The following SACS variants were observed in gnomAD, a reference collection of about 807,000 sequenced individuals.
SACS encodes the protein sacsin molecular chaperone.
Under a neutral mutation model 348.0 loss-of-function variants are expected in SACS, and 197 were observed. The ratio of observed to expected loss-of-function variants is 0.57; its 90% CI spans 0.50 to 0.64. The LOEUF (loss-of-function observed/expected upper bound fraction) is 0.64, where lower values mean the gene tolerates loss of function less well. SACS is among the 30% of genes least tolerant of loss of function. The pLI, the probability that SACS is intolerant of heterozygous loss-of-function variation, is 0.00. For missense variants in SACS, 4,999 were observed against 5,360.8 expected, an observed-to-expected ratio of 0.93 and a Z score of 2.11; for synonymous variants, 1,985 against 1,910.6, an observed-to-expected ratio of 1.04 and a Z score of -1.02.
chr13:23,409,257 G>A (rs557444185), intron 2 of SACS, among the ~76,000 whole-genome samples: 4 of 149,250 alleles, frequency 2.7e-5, no homozygotes, highest in African/African-American at 7.4e-5. Context: ...AGGTTTCACT[G>A]TGTTAGCCAG....
chr13:23,338,377 G>A lies in SACS; in HGVS notation c.5499C>T (p.Ser1833=). The change falls in exon 10 of 10, where the codon TCC becomes TCT. Residue 1833 remains serine (S), a synonymous_variant. Coordinates refer to ENST00000382292, the MANE Select transcript of SACS (RefSeq NM_014363.6). The part of the protein sequence containing the change: ...CMDTGEALKF[S]LSESGRRLGL... ...CTAGTCTTCTTCCACTCTCACTCAG[G>A]GAAAACTTCAGAGCCTCTCCTGTGT... The A allele has an allele frequency of 1.2e-6, 2 of 1,614,006 alleles. No individual in the cohort carries two copies. Among genetic ancestry groups the A allele is most frequent in the Non-Finnish European group, 1.7e-6 (2 of 1,179,976 alleles).
chr13:23,361,804 A>G (rs1324207709), intron 6 of SACS, among the ~76,000 whole-genome samples: 1 of 152,072 alleles, frequency 6.6e-6, no homozygotes, highest in Non-Finnish European at 1.5e-5. Context: ...AAAAAAAGGA[A>G]TAAACATCCT....
intron 7 of SACS, 70 bp from the exon 8 acceptor site, chr13:23,356,077 AAT>A: frequency 7.8e-7 from 1 of 1,286,128 alleles, no homozygotes; most frequent in South Asian, 1.3e-5. Context: ...AATTATAATA[AAT>A]ATATGAAAAA....
chr13:23,338,960 T>C lies in SACS; in HGVS notation c.4916A>G (p.Tyr1639Cys), dbSNP rs1566068293. ...LPLTVEAPYS[Y>C]NGTLFRLSFR... ...GGACAGTCGGAAAAGGGTTCCATTA[T>C]AGCTGTAAGGTGCTTCTACAGTCAA... is the stretch of plus-strand genomic sequence containing the variant. Residue 1639 changes from tyrosine to cysteine, a missense_variant, in exon 10 of 10, where the codon TAT (tyrosine) becomes TGT (cysteine). By Grantham distance (194) the Tyr-to-Cys change is radical. Around this residue, in one of 6 missense-constraint regions of SACS, gnomAD observed 3,156 missense variants for 3,380.1 expected, o/e 0.93. Coordinates refer to ENST00000382292, the MANE Select transcript of SACS (RefSeq NM_014363.6). 8 of 1,613,876 alleles carry C rather than the reference T, an allele frequency of 5.0e-6. No homozygotes were observed. Among genetic ancestry groups the C allele is most frequent in the East Asian group, 2.2e-5 (1 of 44,886 alleles).
Position 23,401,908 on chromosome 13 carries a change from C to T in SACS, c.20+9312G>A, listed in dbSNP as rs192866165. Among the ~76,000 whole-genome samples the T allele has an allele frequency of 3.1e-3, 471 of 152,306 alleles. 11 individuals are homozygous for T. Among genetic ancestry groups the T allele is most frequent in the Admixed American group, 0.028 (425 of 15,298 alleles). On this transcript the variant is annotated intron_variant, in intron 2 of 9. Transcript: ENST00000382292. ...ACTAAGAGTTTCCAGAGGCCAGGCG[C>T]AGTGGCTCACGCCTCTAATCCAGCA...
intron 3 of SACS, among the ~76,000 whole-genome samples, chr13:23,373,669 A>T (rs1387310031): frequency 6.6e-6 from 1 of 152,068 alleles, no homozygotes; most frequent in Non-Finnish European, 1.5e-5. Flanking sequence ...GCGTGGTGGC[A>T]CACGCCTGTA....
intron 9 of SACS, among the ~76,000 whole-genome samples, chr13:23,352,028 A>C (rs1869990032): frequency 6.6e-6 from 1 of 152,202 alleles, no homozygotes; most frequent in Non-Finnish European, 1.5e-5. Context: ...GGTTTGCCCC[A>C]TCCACCCAGG....
At chr13:23,366,001 C>T (rs572973967) in intron 5 of SACS, among the ~76,000 whole-genome samples, 1 of 152,266 alleles carries the variant, frequency 6.6e-6, no homozygotes, top group East Asian at 1.9e-4. Context: ...CACTTCTGCA[C>T]ACCTACTAAA....
intron 2 of SACS, among the ~76,000 whole-genome samples, chr13:23,407,763 T>C (rs1873296576): frequency 6.6e-6 from 1 of 152,228 alleles, no homozygotes; most frequent in Admixed American, 6.5e-5. Flanking sequence ...CTTCGGGTCC[T>C]GCCTTTGACC....
intron 2 of SACS, among the ~76,000 whole-genome samples, chr13:23,386,338 A>G (rs1872290587): frequency 1.3e-5 from 2 of 152,256 alleles, no homozygotes; most frequent in South Asian, 4.1e-4. Context: ...AAGTTTCCCC[A>G]TCAGCACATG....
chr13:23,353,101 T>A (rs1870075967), intron 9 of SACS, among the ~76,000 whole-genome samples: 1 of 152,172 alleles, frequency 6.6e-6, no homozygotes. Context: ...AAAGGATGCT[T>A]GCAGAAGTTG....
intron 9 of SACS, among the ~76,000 whole-genome samples, chr13:23,341,933 C>T (rs563073390): frequency 7.0e-4 from 107 of 151,956 alleles, no homozygotes; most frequent in African/African-American, 2.5e-3. Context: ...ACTACAAGGG[C>T]CCGCCACCAC....
At chr13:23,366,209 C>T (rs9580604) in intron 5 of SACS, among the ~76,000 whole-genome samples, 140 of 152,314 alleles carry the variant, frequency 9.2e-4, no homozygotes, top group African/African-American at 3.1e-3. Flanking sequence ...GTGATGCCTA[C>T]ATCAGAGTAG....
At chr13:23,418,442 T>C (rs996610319) in intron 1 of SACS, among the ~76,000 whole-genome samples, 1 of 152,190 alleles carries the variant, frequency 6.6e-6, no homozygotes, top group African/African-American at 2.4e-5. Context: ...GACATATATG[T>C]TTGTTTCCCT....
intron 9 of SACS, among the ~76,000 whole-genome samples, chr13:23,348,152 C>G (rs1869731774): frequency 6.6e-6 from 1 of 152,108 alleles, no homozygotes; most frequent in African/African-American, 2.4e-5. Flanking sequence ...ACTTAAGCAA[C>G]TTAATACAGA....
Position 23,355,484 on chromosome 13 carries a change from A to C in SACS, c.1128T>G (p.Asn376Lys). 1 of 1,614,040 alleles carries C rather than the reference A, an allele frequency of 6.2e-7. No individual in the cohort carries two copies. Among genetic ancestry groups the C allele is most frequent in the East Asian group, 2.2e-5 (1 of 44,886 alleles). The change falls in exon 8 of 10, where the codon AAT becomes AAG. Residue 376 changes from asparagine to lysine, a missense_variant. Physicochemically the swap from Asn to Lys is moderately conservative, Grantham distance 94. This residue lies in a region of SACS where 3,156 missense variants were observed against 3,380.1 expected (regional missense o/e 0.93). Coordinates refer to ENST00000382292, the MANE Select transcript of SACS (RefSeq NM_014363.6). ...NNITCVTYHV[N>K]IVLEEESTKD... ...TAGTACTCTCCTCTTCTAAAACAAT[A>C]TTTACGTGATATGTTACACAGGTGA...
chr13:23,375,031 G>C, intron 3 of SACS, 88 bp downstream of exon 3: 2 of 1,284,554 alleles, frequency 1.6e-6, no homozygotes, highest in Non-Finnish European at 1.0e-6. Context: ...GCCGCCCGCG[G>C]AAACCTGCGT....
intron 1 of SACS, among the ~76,000 whole-genome samples, chr13:23,426,639 CAAAAAA>C (rs34125695): frequency 3.5e-5 from 4 of 113,090 alleles, no homozygotes; most frequent in Non-Finnish European, 7.5e-5. Context: ...GACTCCGTCT[CAAAAAA>C]AAAAAAAAAA....
At chr13:23,372,359 C>G (rs540555312) in intron 3 of SACS, among the ~76,000 whole-genome samples, 19 of 152,314 alleles carry the variant, frequency 1.2e-4, no homozygotes, top group African/African-American at 4.3e-4. Flanking sequence ...TAAGCATATT[C>G]TCAACACATT....
Sources: gnomAD v4.1 joint callset for allele counts (sites outside exome capture counted in the v4.1 genomes callset) on GRCh38, gnomAD v4.1.1 for gene constraint, gnomAD v4.1.1 regional missense constraint, MANE v1.5 for transcripts, NCBI Gene and HGNC (gene_info 2026-07-23, HGNC 2026-07-21) for gene names.